Variants in THSD7A observed in about 807,000 individuals in gnomAD.
The protein encoded by THSD7A is thrombospondin type-1 domain-containing protein 7A.
A neutral mutation model predicts 231.3 loss-of-function variants in THSD7A; 96 were observed. The ratio of observed to expected loss-of-function variants is 0.41; its 90% confidence interval spans 0.35 to 0.49. The LOEUF (loss-of-function observed/expected upper bound fraction) is 0.49, where lower values mean the gene tolerates loss of function less well. Ranked by LOEUF, THSD7A falls within the 20% of genes least tolerant of loss-of-function variation. THSD7A has a pLI of 0.05. For missense variants in THSD7A, 2,290 were observed against 2,070.2 expected (o/e 1.11, Z -2.06); for synonymous variants, 940 against 743.3 (o/e 1.26, Z -4.30).
rs557938369 is a variant in THSD7A at position 11,637,782 on chromosome 7, G to A, written c.191-821C>T. 2.0e-5 allele frequency among the ~76,000 whole-genome samples: 3 copies of A among 151,750 alleles called. No homozygotes were observed. The highest frequency in any genetic ancestry group is 2.9e-5 in the Non-Finnish European group (2 of 67,952). On this transcript the variant is annotated intron_variant, in intron 1 of 27. Transcript: ENST00000423059. The surrounding 1 kb of genome is among the most constrained non-coding windows in gnomAD (Gnocchi z 4.2). ...ATCAGTGGCTTTAATATGAAATATG[G>A]GTTTTTTTCTGTGAAATCCTTCTTA...
intron 1 of THSD7A, among the ~76,000 whole-genome samples, chr7:11,825,102 A>G (rs980352284): frequency 1.3e-5 from 2 of 152,090 alleles, no homozygotes; most frequent in African/African-American, 4.8e-5. Context: ...GAGAAAACAA[A>G]TAAGTATGTT....
At chr7:11,698,090 T>G (rs537670964) in intron 1 of THSD7A, among the ~76,000 whole-genome samples, 1 of 151,544 alleles carries the variant, frequency 6.6e-6, no homozygotes, top group East Asian at 2.0e-4. Flanking sequence ...TGCTGGCATG[T>G]CTGATTCTGT....
intron 1 of THSD7A, among the ~76,000 whole-genome samples, chr7:11,689,083 G>GA (rs1176669057): frequency 4.0e-5 from 6 of 151,726 alleles, no homozygotes; most frequent in African/African-American, 1.2e-4. Flanking sequence ...GTACAATATA[G>GA]AAAAAATATT....
chr7:11,663,595 G>C (rs1211047393), intron 1 of THSD7A, among the ~76,000 whole-genome samples: 1 of 151,542 alleles, frequency 6.6e-6, no homozygotes, highest in African/African-American at 2.4e-5. Context: ...ATTACAAGGA[G>C]AGGAAAATTA....
chr7:11,502,962 T>C (rs771167101), intron 6 of THSD7A, among the ~76,000 whole-genome samples: 1 of 152,084 alleles, frequency 6.6e-6, no homozygotes, highest in Non-Finnish European at 1.5e-5. Context: ...GAAAAAATTA[T>C]TTTAAAATTT....
At chr7:11,651,019 A>G (rs1162538518) in intron 1 of THSD7A, among the ~76,000 whole-genome samples, 1 of 152,042 alleles carries the variant, frequency 6.6e-6, no homozygotes, top group African/African-American at 2.4e-5. Flanking sequence ...ATGTGTTAAG[A>G]TAAGCAAACA....
chr7:11,474,126 G>A lies in THSD7A; in HGVS notation c.2252+208C>T, dbSNP rs1045376535. Among the ~76,000 whole-genome samples, 2 of 152,156 alleles carry A rather than the reference G, an allele frequency of 1.3e-5. No homozygotes were observed. The highest frequency in any genetic ancestry group is 2.9e-5 in the Non-Finnish European group (2 of 68,022). On this transcript the variant is annotated intron_variant, in intron 8 of 27. Transcript: ENST00000423059. The surrounding 1 kb of genome is among the most constrained non-coding windows in gnomAD (Gnocchi z 4.1). The stretch of plus-strand genomic sequence containing the variant: ...ACAGAGAGTAGGCACCAGATAGAAA[G>A]ATTTCTACAGAATTTATGGTTCCCC...
chr7:11,427,949 T>C (rs1211761979), intron 14 of THSD7A, among the ~76,000 whole-genome samples: 1 of 152,166 alleles, frequency 6.6e-6, no homozygotes, highest in Non-Finnish European at 1.5e-5. Context: ...CAAGACTCTT[T>C]AGAGTACTTT....
intron 6 of THSD7A, among the ~76,000 whole-genome samples, chr7:11,514,938 A>G (rs1262796622): frequency 6.6e-6 from 1 of 152,148 alleles, no homozygotes; most frequent in Non-Finnish European, 1.5e-5. Context: ...CTGTTACTCC[A>G]TTTCTAACCT....
At position 11,636,412 on chromosome 7, in the gene THSD7A, T is replaced by C; in HGVS notation, c.740A>G (p.Glu247Gly). 1 of 1,613,732 alleles carries C rather than the reference T, an allele frequency of 6.2e-7. No homozygotes were observed. The highest frequency in any genetic ancestry group is 8.5e-7 in the Non-Finnish European group (1 of 1,179,878). Residue 247 changes from glutamate to glycine, a missense_variant, in exon 2 of 28, where the codon GAG (glutamate) becomes GGG (glycine). Coordinates refer to ENST00000423059, the MANE Select transcript of THSD7A (RefSeq NM_015204.3). This position sits in a 1 kb window ranked among gnomAD's most constrained non-coding sequence, Gnocchi z 10.0. ...CAGGCTGTACCTGAGCTCCTCGGCC[T>C]CGCATGGACTGGATTGGCACACCTG... Reference protein sequence around the residue: ...EFQVCQSSPCEAEELRYSLHV... With the variant: ...EFQVCQSSPCGAEELRYSLHV...
intron 1 of THSD7A, among the ~76,000 whole-genome samples, chr7:11,780,262 A>T (rs899944853): frequency 6.6e-6 from 1 of 152,178 alleles, no homozygotes; most frequent in African/African-American, 2.4e-5. Context: ...CCATCACATT[A>T]TGATGGTATA....
chr7:11,702,400 G>T (rs192848700), intron 1 of THSD7A, among the ~76,000 whole-genome samples: 55 of 151,264 alleles, frequency 3.6e-4, no homozygotes, highest in African/African-American at 1.3e-3. Flanking sequence ...TTGTCAGTAG[G>T]GGGTAACCCT....
rs1345871057 is a variant in THSD7A at position 11,372,415 on chromosome 7, C to A, written c.*3379G>T. ...TTTGCCTTGTTAGAAGTAATTTGTG[C>A]TTTGTTATAAGTAATTAAAAACAAG... is the stretch of plus-strand genomic sequence containing the variant. On this transcript the variant is annotated 3_prime_UTR_variant, in exon 28 of 28. Transcript: ENST00000423059. 1 of 147,640 alleles carries A rather than the reference C, an allele frequency of 6.8e-6. No individual in the cohort carries two copies. The highest frequency in any genetic ancestry group is 6.8e-5 in the Admixed American group (1 of 14,662). 9.1% of individuals were successfully genotyped at this position (147,640 alleles called of 1,614,324 possible).
chr7:11,823,892 T>C (rs1472612565), intron 1 of THSD7A, among the ~76,000 whole-genome samples: 2 of 151,816 alleles, frequency 1.3e-5, no homozygotes, highest in East Asian at 3.9e-4. Flanking sequence ...AAGTAACAAA[T>C]GAATTCTGAG....
intron 4 of THSD7A, among the ~76,000 whole-genome samples, chr7:11,576,079 A>C (rs945542915): frequency 8.5e-5 from 13 of 152,202 alleles, no homozygotes; most frequent in African/African-American, 3.1e-4. Flanking sequence ...TAGAGCCAGA[A>C]GTTGTGGCCT....
intron 1 of THSD7A, among the ~76,000 whole-genome samples, chr7:11,768,394 T>C (rs946233563): frequency 6.6e-6 from 1 of 152,162 alleles, no homozygotes; most frequent in Non-Finnish European, 1.5e-5. Context: ...AGGATATATA[T>C]AACAATTGGC....
chr7:11,567,265 C>CCT (rs1491498776), intron 4 of THSD7A, among the ~76,000 whole-genome samples: 81,675 of 151,476 alleles, frequency 0.54, 22,194 homozygotes, highest in Middle Eastern at 0.64. Context: ...CAAGACACTT[C>CCT]CCCCTCAAGG....
chr7:11,538,302 C>T (rs560484713), intron 6 of THSD7A, among the ~76,000 whole-genome samples: 6 of 151,904 alleles, frequency 3.9e-5, no homozygotes, highest in Non-Finnish European at 5.9e-5. Context: ...TGTCAATATT[C>T]GATATCTGAA....
At chr7:11,543,906 A>G (rs953659653) in intron 4 of THSD7A, among the ~76,000 whole-genome samples, 1 of 152,192 alleles carries the variant, frequency 6.6e-6, no homozygotes, top group Non-Finnish European at 1.5e-5. Context: ...AGAACTAACT[A>G]AAAATGACTA....
Sources: gnomAD v4.1 joint callset for allele counts (sites outside exome capture counted in the v4.1 genomes callset) on GRCh38, gnomAD v4.1.1 for gene constraint, Gnocchi (gnomAD v3.1) non-coding constraint, MANE v1.5 for transcripts, NCBI Gene and HGNC (gene_info 2026-07-23, HGNC 2026-07-21) for gene names.